The following B3GNT2 variants were observed in gnomAD, a reference collection of about 807,000 sequenced individuals.
B3GNT2 encodes the protein N-acetyllactosaminide beta-1,3-N-acetylglucosaminyltransferase 2.
B3GNT2 carries 12 observed loss-of-function variants against 27.6 expected under a neutral mutation model. The observed-to-expected ratio is 0.44, with a 90% CI of 0.28 to 0.71. B3GNT2 has a LOEUF of 0.71. B3GNT2 is among the 30% of genes least tolerant of loss of function. The pLI is 0.17. For synonymous variants in B3GNT2, 192 were observed against 189.7 expected (o/e 1.01, Z -0.10); for missense variants, 413 against 488.5 (o/e 0.85, Z 1.46).
chr2:62,223,124 C>T lies in B3GNT2; in HGVS notation c.904C>T (p.Pro302Ser). 1.2e-6 allele frequency: 2 copies of T among 1,614,204 alleles called. No individual in the cohort carries two copies. The highest frequency in any genetic ancestry group is 1.7e-6 in the Non-Finnish European group (2 of 1,180,036). Residue 302 changes from proline (P) to serine (S), a missense_variant, in exon 2 of 2, where the codon CCC becomes TCC. By Grantham distance (74) the Pro-to-Ser change is moderately conservative. Coordinates refer to ENST00000301998, the MANE Select transcript of B3GNT2 (RefSeq NM_006577.6). ...PEVVYSGLYP[P>S]YAGGGGFLYS... ...AGTTGTTTACTCTGGCCTCTACCCA[C>T]CCTATGCAGGGGGAGGGGGGTTCCT...
rs138354282 is a variant in B3GNT2 at position 62,218,188 on chromosome 2, G to A, written c.-9-4024G>A. 7.5e-3 allele frequency among the ~76,000 whole-genome samples: 1,141 copies of A among 152,298 alleles called. 13 individuals carry two copies. The highest frequency in any genetic ancestry group is 0.02 in the Middle Eastern group (6 of 294). On this transcript the variant is annotated intron_variant, in intron 1 of 1. Coordinates refer to ENST00000301998, the MANE Select transcript of B3GNT2 (RefSeq NM_006577.6). ...GATATTTAGAGAGCTTTTTCCCACA[G>A]ATATTTTTATGGGGGTCACTGCTTT...
intron 1 of B3GNT2, among the ~76,000 whole-genome samples, chr2:62,201,757 A>G (rs1674269999): frequency 6.6e-6 from 1 of 152,244 alleles, no homozygotes; most frequent in Admixed American, 6.5e-5. Context: ...CTATAACTAC[A>G]TTAACTTGAT....
At position 62,223,164 on chromosome 2, in the gene B3GNT2, T is replaced by A; in HGVS notation, c.944T>A (p.Leu315Gln). 1 of 1,614,220 alleles carries A rather than the reference T, an allele frequency of 6.2e-7. No individual in the cohort carries two copies. Among genetic ancestry groups the A allele is most frequent in the Non-Finnish European group, 8.5e-7 (1 of 1,180,022 alleles). Residue 315 changes from leucine to glutamine, a missense_variant, in exon 2 of 2, where the codon CTG (leucine) becomes CAG (glutamine). By Grantham distance (113) the Leu-to-Gln change is moderately radical (BLOSUM62 -2). Transcript: ENST00000301998. Reference sequence around the variant, plus strand: ...GGGGGGTTCCTCTACTCCGGCCACCTGGCCCTGAGGCTGTACCATATCACT... The same window carrying A: ...GGGGGGTTCCTCTACTCCGGCCACCAGGCCCTGAGGCTGTACCATATCACT... ...GGGGFLYSGH[L>Q]ALRLYHITDQ... is the part of the protein sequence containing the mutation.
At chr2:62,214,942 A>T (rs565983951) in intron 1 of B3GNT2, among the ~76,000 whole-genome samples, 1 of 152,328 alleles carries the variant, frequency 6.6e-6, no homozygotes, top group Admixed American at 6.5e-5. Context: ...AGTTTACTAA[A>T]GGCAGGGCAG....
rs1257311837 is a variant in B3GNT2 at position 62,200,410 on chromosome 2, C to T, written c.-10+4055C>T. ...AACAGAGGGTTCAGGTGTCTTCATT[C>T]TGATATGAGTAGGATGTACGTAGCT... On this transcript the variant is annotated intron_variant, in intron 1 of 1. Coordinates refer to ENST00000301998, the MANE Select transcript of B3GNT2 (RefSeq NM_006577.6). Among the ~76,000 whole-genome samples, 6 of 152,184 alleles carry T rather than the reference C, an allele frequency of 3.9e-5. No individual in the cohort carries two copies. The East Asian group carries it at 9.6e-4, about 24-fold the overall frequency.
chr2:62,208,704 A>C (rs1674425662), intron 1 of B3GNT2, among the ~76,000 whole-genome samples: 1 of 152,208 alleles, frequency 6.6e-6, no homozygotes, highest in Admixed American at 6.5e-5. Flanking sequence ...TGTTTGATCA[A>C]AATGGTCAAA....
chr2:62,208,468 C>T (rs991753050), intron 1 of B3GNT2, among the ~76,000 whole-genome samples: 2 of 152,072 alleles, frequency 1.3e-5, no homozygotes, highest in African/African-American at 2.4e-5. Flanking sequence ...GTATTTGTTT[C>T]CTGAGTCATG....
At chr2:62,221,883 G>C (rs1199148526) in intron 1 of B3GNT2, 1 of 537,064 alleles carries the variant, frequency 1.9e-6, no homozygotes. Flanking sequence ...GGTATTTCTA[G>C]CTTCAGCATG....
intron 1 of B3GNT2, chr2:62,221,933 G>T: frequency 1.5e-5 from 8 of 529,948 alleles, no homozygotes; most frequent in South Asian, 1.3e-4. Context: ...TGTGAGCCAC[G>T]CGCTATTTTA....
intron 1 of B3GNT2, among the ~76,000 whole-genome samples, chr2:62,198,179 A>G (rs751538729): frequency 3.3e-5 from 5 of 152,214 alleles, no homozygotes; most frequent in Non-Finnish European, 7.3e-5. Context: ...TTGTATGATG[A>G]AGGCCTAATT....
Position 62,222,664 on chromosome 2 carries a change from T to A in B3GNT2, c.444T>A (p.Ile148=). The stretch of plus-strand genomic sequence containing the variant: ...AGAAACCTTTCTTGTTGCTGGCGAT[T>A]AAGTCCCTCACTCCACATTTTGCCA... ...CAKKPFLLLA[I]KSLTPHFARR... Residue 148 remains isoleucine, a synonymous_variant, in exon 2 of 2, where the codon ATT becomes ATA. Transcript: ENST00000301998. This position sits in a 1 kb window ranked among gnomAD's most constrained non-coding sequence, Gnocchi z 4.2. 1.9e-6 allele frequency: 3 copies of A among 1,614,244 alleles called. No individual in the cohort carries two copies. The highest frequency in any genetic ancestry group is 2.5e-6 in the Non-Finnish European group (3 of 1,180,048).
chr2:62,218,961 C>G (rs1431967738), intron 1 of B3GNT2, among the ~76,000 whole-genome samples: 2 of 152,206 alleles, frequency 1.3e-5, no homozygotes, highest in Non-Finnish European at 2.9e-5. Flanking sequence ...AGTTGGAAAT[C>G]TTGCCAGGGG....
intron 1 of B3GNT2, among the ~76,000 whole-genome samples, chr2:62,200,057 A>G (rs1193593551): frequency 6.6e-6 from 1 of 152,154 alleles, no homozygotes; most frequent in Non-Finnish European, 1.5e-5. Flanking sequence ...TGAGTTTTCT[A>G]TTTGTTACAA....
intron 1 of B3GNT2, among the ~76,000 whole-genome samples, chr2:62,202,018 T>C (rs1040561723): frequency 6.6e-6 from 1 of 152,226 alleles, no homozygotes; most frequent in Admixed American, 6.5e-5. Flanking sequence ...GGTCTCCAGA[T>C]TACAGTAGCC....
intron 1 of B3GNT2, among the ~76,000 whole-genome samples, chr2:62,220,075 C>T (rs993519370): frequency 6.6e-6 from 1 of 152,238 alleles, no homozygotes; most frequent in Non-Finnish European, 1.5e-5. Context: ...AAAAACTGTG[C>T]TTACATTTTA....
chr2:62,223,545 T>C lies in B3GNT2; in HGVS notation c.*131T>C. 1.3e-6 allele frequency: 1 copy of C among 754,886 alleles called. No individual in the cohort carries two copies. Among genetic ancestry groups the C allele is most frequent in the Admixed American group, 3.0e-5 (1 of 33,196 alleles). 46.8% of individuals were successfully genotyped at this position (754,886 alleles called of 1,614,324 possible). ...TATGAGTGATACCCATTTGAGGGCC[T>C]CTAAACCCTTCAATTTGGTACTCAC... On this transcript the variant is annotated 3_prime_UTR_variant, in exon 2 of 2. Transcript: ENST00000301998.
At chr2:62,209,055 A>G (rs998545042) in intron 1 of B3GNT2, among the ~76,000 whole-genome samples, 2 of 151,998 alleles carry the variant, frequency 1.3e-5, no homozygotes, top group Non-Finnish European at 2.9e-5. Context: ...GCAGTGGTAC[A>G]TTTCAGCTCA....
intron 1 of B3GNT2, among the ~76,000 whole-genome samples, chr2:62,218,262 C>T (rs143053872): frequency 1.1e-3 from 175 of 152,312 alleles, no homozygotes; most frequent in African/African-American, 4.1e-3. Flanking sequence ...TACTAGAAGC[C>T]GAGTTCTCAT....
At chr2:62,210,526 T>A (rs979607745) in intron 1 of B3GNT2, among the ~76,000 whole-genome samples, 1 of 152,078 alleles carries the variant, frequency 6.6e-6, no homozygotes, top group Non-Finnish European at 1.5e-5. Flanking sequence ...CCCAGCACTT[T>A]GGGAGGCTGA....
Sources: allele counts gnomAD v4.1 joint callset (sites outside exome capture counted in the v4.1 genomes callset), GRCh38; gene constraint gnomAD v4.1.1; non-coding constraint Gnocchi (gnomAD v3.1); transcripts MANE v1.5; gene names NCBI Gene and HGNC (gene_info 2026-07-23, HGNC 2026-07-21).